The following LACC1 variants were observed in gnomAD, a reference collection of about 807,000 sequenced individuals.
LACC1 encodes the protein purine nucleoside phosphorylase LACC1.
In LACC1, 25 loss-of-function variants were observed where a neutral mutation model predicts 34.8. The observed-to-expected ratio is 0.72, with a 90% CI of 0.52 to 1.00. The LOEUF is 1.00. Among genes scored for constraint, LACC1 ranks in the 50% least tolerant of loss-of-function variants. The pLI, the probability that LACC1 is intolerant of heterozygous loss-of-function variation, is 0.00. For missense variants in LACC1, 426 were observed against 511.2 expected (o/e 0.83, Z 1.61); for synonymous variants, 162 against 168.0 (o/e 0.96, Z 0.28).
chr13:43,891,499 C>T lies in LACC1; in HGVS notation c.*52C>T. The T allele has an allele frequency of 1.0e-6, 1 of 983,280 alleles. No homozygotes were observed. The highest frequency in any genetic ancestry group is 1.7e-5 in the African/African-American group (1 of 57,262). 60.9% of individuals were successfully genotyped at this position (983,280 alleles called of 1,614,324 possible). A position where few individuals can be genotyped will look rare whatever the true frequency, so the allele number is the denominator to read the frequency against. On this transcript the variant is annotated 3_prime_UTR_variant, in exon 7 of 7. Coordinates refer to ENST00000325686, the MANE Select transcript of LACC1 (RefSeq NM_153218.4). ...TGCTTCCTGCCTCCTTCCAAACTGA[C>T]TGCAAGAGAGAAATTTAGCTGTTTG...
intron 4 of LACC1, among the ~76,000 whole-genome samples, chr13:43,885,420 T>C (rs1442286907): frequency 6.6e-6 from 1 of 151,930 alleles, no homozygotes; most frequent in Non-Finnish European, 1.5e-5. Flanking sequence ...CATAGGCCAA[T>C]AGAACAGGAT....
chr13:43,890,061 T>G (rs1955504115), intron 5 of LACC1, 53 bp from the exon 6 acceptor site: 2 of 1,482,180 alleles, frequency 1.3e-6, no homozygotes, highest in African/African-American at 1.4e-5. Flanking sequence ...CATATTGCTT[T>G]GGCTATTGGG....
In LACC1 at chr13:43,881,211, T is replaced by C; in HGVS notation, c.226T>C (p.Phe76Leu). 1 of 1,614,148 alleles carries C rather than the reference T, an allele frequency of 6.2e-7. No individual in the cohort carries two copies. The highest frequency in any genetic ancestry group is 8.5e-7 in the Non-Finnish European group (1 of 1,180,024). Reference protein sequence around the residue: ...SNGLSALLEEFEIVSCPSMAA... With the variant: ...SNGLSALLEELEIVSCPSMAA... ...TGGATTATCAGCTCTCTTGGAAGAA[T>C]TTGAGATTGTTAGCTGTCCCAGCAT... The change falls in exon 2 of 7, where the codon TTT becomes CTT. Residue 76 changes from phenylalanine (F) to leucine (L), a missense_variant. Phe to Leu is a conservative substitution (Grantham distance 22). This residue lies in a region of LACC1 where 217 missense variants were observed against 210.9 expected (regional missense o/e 1.03). Transcript: ENST00000325686.
rs534530545 is a variant in LACC1 at position 43,882,761 on chromosome 13, G to C, written c.741+398G>C. ...AAACATCACCAAACTTCTAAATAAA[G>C]ACCAACACATTCCTAGTATTAAACA... On this transcript the variant is annotated intron_variant, in intron 3 of 6. Coordinates refer to ENST00000325686, the MANE Select transcript of LACC1 (RefSeq NM_153218.4). Among the ~76,000 whole-genome samples the C allele has an allele frequency of 4.6e-5, 7 of 152,050 alleles. No homozygotes were observed. In the South Asian group the frequency reaches 1.5e-3, roughly 32 times the overall value.
chr13:43,880,842 G>T, intron 1 of LACC1, 110 bp from the exon 2 acceptor site: 1 of 702,544 alleles, frequency 1.4e-6, no homozygotes, highest in Non-Finnish European at 2.3e-6. Flanking sequence ...TACTATTTTA[G>T]TTACATTTTA....
rs1463519887 is a variant in LACC1, at chr13:43,888,840, G to A, written c.991G>A (p.Val331Ile). Residue 331 changes from valine to isoleucine, a missense_variant, in exon 5 of 7, where the codon GTT becomes ATT. Coordinates refer to ENST00000325686, the MANE Select transcript of LACC1 (RefSeq NM_153218.4). ...ATATGGCTGCAGTTTGGAAGACATTGTTGTTGTACTTGGACCTTCAGTAGG... is the reference window on the plus strand; with the variant it reads ...ATATGGCTGCAGTTTGGAAGACATTATTGTTGTACTTGGACCTTCAGTAGG... ...AEYGCSLEDI[V>I]VVLGPSVGPC... 8 of 1,613,758 alleles carry A rather than the reference G, an allele frequency of 5.0e-6. No individual in the cohort carries two copies. The highest frequency in any genetic ancestry group is 5.9e-6 in the Non-Finnish European group (7 of 1,179,832).
rs988190499 is a variant in LACC1, at chr13:43,893,421, T to G, written c.*1974T>G. Reference sequence around the variant, plus strand: ...TTAAAATTAATTAAAGGGATCTTCATTATACTTTTATTGTTAACTTTTTGT... The same window carrying G: ...TTAAAATTAATTAAAGGGATCTTCAGTATACTTTTATTGTTAACTTTTTGT... On this transcript the variant is annotated 3_prime_UTR_variant, in exon 7 of 7. Transcript: ENST00000325686. The G allele has an allele frequency of 1.3e-5, 2 of 152,154 alleles. No individual in the cohort carries two copies. The highest frequency in any genetic ancestry group is 2.9e-5 in the Non-Finnish European group (2 of 67,886). 9.4% of individuals were successfully genotyped at this position (152,154 alleles called of 1,614,324 possible).
Position 43,883,941 on chromosome 13 carries a change from G to C in LACC1, c.907+5G>C. 6.3e-7 allele frequency: 1 copy of C among 1,597,866 alleles called. No homozygotes were observed. Among genetic ancestry groups the C allele is most frequent in the Non-Finnish European group, 8.5e-7 (1 of 1,172,852 alleles). ...CATGTGGGGTTGCTCACGCTGGTAA[G>C]TATACTTAATTAAACATTTAGAATT... On this transcript the variant is annotated splice_donor_5th_base_variant and intron_variant, in intron 4 of 6. Transcript: ENST00000325686.
At chr13:43,886,696 A>G (rs1272558268) in intron 4 of LACC1, among the ~76,000 whole-genome samples, 2 of 152,190 alleles carry the variant, frequency 1.3e-5, no homozygotes, top group African/African-American at 4.8e-5. Flanking sequence ...ACGAAACCCC[A>G]GTGACATGCA....
In LACC1 at chr13:43,890,391, A is replaced by T. The variant is rs1324563893; in HGVS notation, c.*1+117A>T. On this transcript the variant is annotated intron_variant, in intron 6 of 6. Transcript: ENST00000325686. ...CTATTCCTCCCCTTATTTAAAAAAA[A>T]AAAGTTAATTATGTTAAACTTTACT... The T allele has an allele frequency of 3.7e-6, 3 of 820,414 alleles. No homozygotes were observed. In the African/African-American group the frequency reaches 5.3e-5, roughly 14 times the overall value. The allele number at this position is 820,414 out of a possible 1,614,324, so 50.8% of individuals were successfully genotyped here.
intron 3 of LACC1, among the ~76,000 whole-genome samples, chr13:43,882,780 T>C (rs942524664): frequency 4.6e-5 from 7 of 152,110 alleles, no homozygotes; most frequent in Non-Finnish European, 1.0e-4. Context: ...ATTCCTAGTA[T>C]TAAACATTGA....
In LACC1 at chr13:43,890,085, G is replaced by T. The variant is rs1021536392; in HGVS notation, c.1134-29G>T. ...TTGGCTATTGGGAAAATAAACTCTT[G>T]CTCTCTTTTGAAAAATATTTTTCCT... On this transcript the variant is annotated intron_variant, in intron 5 of 6. Transcript: ENST00000325686. The T allele has an allele frequency of 4.4e-6, 7 of 1,575,814 alleles. No homozygotes were observed. In the African/African-American group the frequency reaches 8.2e-5, roughly 18 times the overall value.
intron 4 of LACC1, among the ~76,000 whole-genome samples, chr13:43,885,144 A>G (rs1455278283): frequency 1.3e-5 from 2 of 152,228 alleles, no homozygotes; most frequent in Non-Finnish European, 2.9e-5. Flanking sequence ...ATGCTCATGG[A>G]TAGGAAGAAT....
intron 4 of LACC1, among the ~76,000 whole-genome samples, chr13:43,887,025 C>A (rs1018806449): frequency 6.6e-6 from 1 of 152,138 alleles, no homozygotes; most frequent in African/African-American, 2.4e-5. Flanking sequence ...CTCTTTAACT[C>A]AAAATGCCTA....
In LACC1 at chr13:43,881,106, T is replaced by A; in HGVS notation, c.121T>A (p.Phe41Ile). 1 of 1,614,192 alleles carries A rather than the reference T, an allele frequency of 6.2e-7. No homozygotes were observed. The highest frequency in any genetic ancestry group is 8.5e-7 in the Non-Finnish European group (1 of 1,180,026). The change falls in exon 2 of 7, where the codon TTT becomes ATT. Residue 41 changes from phenylalanine (F) to isoleucine (I), a missense_variant. Phe to Ile is a conservative substitution (Grantham distance 21). This residue lies in a region of LACC1 where 217 missense variants were observed against 210.9 expected (regional missense o/e 1.03). Coordinates refer to ENST00000325686, the MANE Select transcript of LACC1 (RefSeq NM_153218.4). The part of the protein sequence containing the change: ...VQYHHAAKAK[F>I]LCIMCCSNIS... ...ATACCACCATGCTGCCAAGGCCAAG[T>A]TTCTCTGTATAATGTGTTGCAGTAA...
chr13:43,885,807 C>T (rs757513953), intron 4 of LACC1, among the ~76,000 whole-genome samples: 6 of 152,090 alleles, frequency 3.9e-5, no homozygotes, highest in Non-Finnish European at 7.4e-5. Flanking sequence ...AAACTATCAA[C>T]AGAGTAAACA....
Position 43,888,810 on chromosome 13 carries a change from G to A in LACC1, c.961G>A (p.Ala321Thr). Reference sequence around the variant, plus strand: ...TATGGCTACAGTGAATGCTATGATAGCAGAATATGGCTGCAGTTTGGAAGA... The same window carrying A: ...TATGGCTACAGTGAATGCTATGATAACAGAATATGGCTGCAGTTTGGAAGA... ...VAMATVNAMI[A>T]EYGCSLEDIV... is the part of the protein sequence containing the mutation. Residue 321 changes from alanine (A) to threonine (T), a missense_variant, in exon 5 of 7, where the codon GCA becomes ACA. By Grantham distance (58) the Ala-to-Thr change is moderately conservative. This residue lies in a region of LACC1 where 209 missense variants were observed against 300.3 expected (regional missense o/e 0.70). Coordinates refer to ENST00000325686, the MANE Select transcript of LACC1 (RefSeq NM_153218.4). 6.2e-7 allele frequency: 1 copy of A among 1,613,870 alleles called. No individual in the cohort carries two copies. Among genetic ancestry groups the A allele is most frequent in the Non-Finnish European group, 8.5e-7 (1 of 1,179,842 alleles).
chr13:43,888,285 G>C (rs938612333), intron 4 of LACC1, among the ~76,000 whole-genome samples: 10 of 152,110 alleles, frequency 6.6e-5, no homozygotes, highest in Non-Finnish European at 1.3e-4. Flanking sequence ...TGATTGCCAG[G>C]GGCTGGTAAA....
intron 3 of LACC1, 70 bp from the exon 4 acceptor site, chr13:43,883,701 C>A (rs1280371556): frequency 8.5e-7 from 1 of 1,178,882 alleles, no homozygotes; most frequent in Non-Finnish European, 1.2e-6. Context: ...ACAATGAGTA[C>A]CTTCGAGAAA....
Sources: allele counts gnomAD v4.1 joint callset (sites outside exome capture counted in the v4.1 genomes callset), GRCh38; gene constraint gnomAD v4.1.1; regional missense constraint gnomAD v4.1.1; transcripts MANE v1.5; gene names NCBI Gene and HGNC (gene_info 2026-07-23, HGNC 2026-07-21).